PPARGC1A: variants seen among roughly 807,000 people sequenced by gnomAD.
The protein encoded by PPARGC1A is peroxisome proliferator-activated receptor gamma coactivator 1-alpha.
PPARGC1A carries 25 observed loss-of-function variants against 88.7 expected under a neutral mutation model. That is an observed-to-expected ratio of 0.28 (90% confidence interval 0.21 to 0.39). PPARGC1A has a LOEUF of 0.39. PPARGC1A is among the 10% of genes least tolerant of loss of function. PPARGC1A has a pLI of 1.00. For missense variants in PPARGC1A, 880 were observed against 968.7 expected, an observed-to-expected ratio of 0.91 and a Z score of 1.22; for synonymous variants, 363 against 355.6, an observed-to-expected ratio of 1.02 and a Z score of -0.24.
At chr4:23,961,507 T>C in the PPARGC1A span, among the ~76,000 whole-genome samples, 2 of 152,132 alleles carry the variant, frequency 1.3e-5, no homozygotes, top group Non-Finnish European at 2.9e-5. Flanking sequence ...AGTGACAACA[T>C]GTGTGGGTAA....
At chr4:24,227,677 C>T in the PPARGC1A span, among the ~76,000 whole-genome samples, 2 of 152,282 alleles carry the variant, frequency 1.3e-5, no homozygotes, top group South Asian at 2.1e-4. Flanking sequence ...TGGACAAGCA[C>T]CCAGCATCCC....
intron 1 of PPARGC1A, 123 bp downstream of exon 1, chr4:23,889,781 G>A: frequency 8.7e-7 from 1 of 1,148,222 alleles, no homozygotes; most frequent in East Asian, 2.5e-5. Context: ...TCTTCTAAAA[G>A]CTCCTGCCTG....
At chr4:24,368,563 T>C in the PPARGC1A span, among the ~76,000 whole-genome samples, 1 of 152,164 alleles carries the variant, frequency 6.6e-6, no homozygotes, top group Admixed American at 6.5e-5. Flanking sequence ...AAGGTGGACT[T>C]CAAAATTTTA....
the PPARGC1A span, among the ~76,000 whole-genome samples, chr4:24,048,151 C>T: frequency 1.1e-4 from 16 of 152,188 alleles, no homozygotes; most frequent in Admixed American, 1.0e-3. Context: ...ACTTCAATCT[C>T]TCTTTGTACA....
the PPARGC1A span, among the ~76,000 whole-genome samples, chr4:24,330,365 G>A: frequency 6.6e-6 from 1 of 152,324 alleles, no homozygotes; most frequent in East Asian, 1.9e-4. Context: ...AATGTAAGAA[G>A]TCTGACTCCC....
At chr4:24,351,872 AAAG>A in the PPARGC1A span, among the ~76,000 whole-genome samples, 1 of 152,136 alleles carries the variant, frequency 6.6e-6, no homozygotes, top group Admixed American at 6.5e-5. Flanking sequence ...TACAGTCAAC[AAAG>A]AAGAGAAAGG....
At chr4:23,802,373 T>C in intron 10 of PPARGC1A, 28 bp from the exon 11 acceptor site, 1 of 1,613,424 alleles carries the variant, frequency 6.2e-7, no homozygotes, top group Non-Finnish European at 8.5e-7. Flanking sequence ...GAGAGAGTTC[T>C]GGAGTGGGAA....
the PPARGC1A span, among the ~76,000 whole-genome samples, chr4:23,979,079 T>G: frequency 6.6e-6 from 1 of 152,178 alleles, no homozygotes; most frequent in African/African-American, 2.4e-5. Flanking sequence ...TCACATTGCA[T>G]TCAAAGGATA....
chr4:24,186,315 T>G, the PPARGC1A span, among the ~76,000 whole-genome samples: 1 of 152,158 alleles, frequency 6.6e-6, no homozygotes, highest in Non-Finnish European at 1.5e-5. Flanking sequence ...TCAAGCAACG[T>G]CAGAATAGGT....
At chr4:23,949,053 G>C in the PPARGC1A span, among the ~76,000 whole-genome samples, 9 of 152,084 alleles carry the variant, frequency 5.9e-5, no homozygotes, top group African/African-American at 2.2e-4. Flanking sequence ...CATTTTTCAA[G>C]TCACAAGGCA....
chr4:23,909,886 G>C, the PPARGC1A span, among the ~76,000 whole-genome samples: 2 of 151,228 alleles, frequency 1.3e-5, no homozygotes, highest in Admixed American at 1.3e-4. Context: ...ATCATACCAG[G>C]TCCAATGTTA....
the PPARGC1A span, among the ~76,000 whole-genome samples, chr4:23,942,626 A>G: frequency 6.6e-6 from 1 of 152,208 alleles, no homozygotes; most frequent in South Asian, 2.1e-4. Context: ...ACTTAGTATT[A>G]GTAAATTGGT....
intron 10 of PPARGC1A, among the ~76,000 whole-genome samples, chr4:23,811,787 A>AAAT (rs1720934493): frequency 6.6e-6 from 1 of 151,714 alleles, no homozygotes; most frequent in Non-Finnish European, 1.5e-5. Flanking sequence ...CCCCCTGGTA[A>AAAT]GTGGTGCTGA....
chr4:24,015,612 C>T, the PPARGC1A span, among the ~76,000 whole-genome samples: 6 of 152,196 alleles, frequency 3.9e-5, no homozygotes, highest in Admixed American at 6.5e-5. Context: ...GCTGACAATG[C>T]TATTCTCAGT....
chr4:23,862,114 T>TGCA (rs1731314422), intron 2 of PPARGC1A, among the ~76,000 whole-genome samples: 1 of 152,342 alleles, frequency 6.6e-6, no homozygotes. Context: ...TACAAGCCTC[T>TGCA]GCAAATGGAA....
the PPARGC1A span, among the ~76,000 whole-genome samples, chr4:24,242,505 C>T: frequency 4.6e-5 from 7 of 152,230 alleles, no homozygotes; most frequent in African/African-American, 1.4e-4. Context: ...TCAGATGTCA[C>T]GATCTCCATA....
At chr4:23,906,103 C>T (rs1719997399), upstream of PPARGC1A, among the ~76,000 whole-genome samples, 1 of 152,118 alleles carries the variant, frequency 6.6e-6, no homozygotes, top group Non-Finnish European at 1.5e-5. Flanking sequence ...TCTGACATAC[C>T]ATTTAAAAGA....
At chr4:24,037,819 C>T in the PPARGC1A span, among the ~76,000 whole-genome samples, 1 of 152,128 alleles carries the variant, frequency 6.6e-6, no homozygotes, top group Non-Finnish European at 1.5e-5. Context: ...ATCCATTTAC[C>T]TGGCTGTCAT....
the PPARGC1A span, among the ~76,000 whole-genome samples, chr4:24,376,179 T>C: frequency 1.3e-5 from 2 of 152,214 alleles, no homozygotes; most frequent in Non-Finnish European, 2.9e-5. Context: ...GTGTGATGCA[T>C]AGTTTCTAAT....
Sources: allele counts gnomAD v4.1 joint callset (sites outside exome capture counted in the v4.1 genomes callset), GRCh38; gene constraint gnomAD v4.1.1; transcripts MANE v1.5; gene names NCBI Gene and HGNC (gene_info 2026-07-23, HGNC 2026-07-21).